The following FAM135B variants were observed in gnomAD, a reference collection of about 807,000 sequenced individuals.
FAM135B encodes protein FAM135B.
FAM135B carries 43 observed loss-of-function variants against 127.7 expected under a neutral mutation model. That is an observed-to-expected ratio of 0.34 (90% CI 0.26 to 0.43). The LOEUF (loss-of-function observed/expected upper bound fraction) is 0.43, where lower values mean the gene tolerates loss of function less well. FAM135B is among the 20% of genes least tolerant of loss of function. The pLI, the probability that FAM135B is intolerant of heterozygous loss-of-function variation, is 1.00. For missense variants in FAM135B, 1,558 were observed against 1,725.6 expected, an observed-to-expected ratio of 0.90 and a Z score of 1.72; for synonymous variants, 670 against 665.1, an observed-to-expected ratio of 1.01 and a Z score of -0.11.
chr8:138,446,277 C>CT (rs1449226427), intron 1 of FAM135B, among the ~76,000 whole-genome samples: 1 of 152,162 alleles, frequency 6.6e-6, no homozygotes, highest in African/African-American at 2.4e-5. Context: ...CTACCAATGA[C>CT]TTTCTTCACA....
chr8:138,354,008 C>T (rs1829935251), intron 2 of FAM135B, among the ~76,000 whole-genome samples: 1 of 151,996 alleles, frequency 6.6e-6, no homozygotes, highest in Non-Finnish European at 1.5e-5. Context: ...TGCAACTTTT[C>T]CCTTCCCCTC....
At position 138,177,340 on chromosome 8, in the gene FAM135B, T is replaced by G. The variant is rs1814571431; in HGVS notation, c.1103+7A>C. ...AGGGATGAAGTGGGCATGCAATGGA[T>G]ACTTACAGATTCTCCTGAAATGTCA... On this transcript the variant is annotated splice_region_variant and intron_variant, in intron 11 of 19. Transcript: ENST00000395297. The G allele has an allele frequency of 6.2e-7, 1 of 1,613,028 alleles. No homozygotes were observed.
chr8:138,166,670 T>C (rs1338027987), intron 12 of FAM135B, among the ~76,000 whole-genome samples: 2 of 152,152 alleles, frequency 1.3e-5, no homozygotes, highest in Non-Finnish European at 2.9e-5. Context: ...CTTAAAACAC[T>C]TCTAATATTA....
At chr8:138,133,634 C>T (rs1452727141) in intron 19 of FAM135B, among the ~76,000 whole-genome samples, 2 of 152,144 alleles carry the variant, frequency 1.3e-5, no homozygotes, top group Non-Finnish European at 2.9e-5. Context: ...TCCAAACAAC[C>T]GGGTCTGTTT....
In FAM135B at chr8:138,227,725, T is replaced by C. The variant is rs1586826650; in HGVS notation, c.669+15217A>G. ...TTAATTTTGTCTCTCTTTTTTTTTT[T>C]TTTTTTTTTTTTTGGTGGTGGTGGT... On this transcript the variant is annotated intron_variant, in intron 7 of 19. Coordinates refer to ENST00000395297, the MANE Select transcript of FAM135B (RefSeq NM_015912.4). Among the ~76,000 whole-genome samples, 3 of 146,282 alleles carry C rather than the reference T, an allele frequency of 2.1e-5. No individual in the cohort carries two copies. The East Asian group carries it at 5.8e-4, about 28-fold the overall frequency.
At chr8:138,175,607 G>C (rs145525199) in intron 11 of FAM135B, among the ~76,000 whole-genome samples, 25 of 152,262 alleles carry the variant, frequency 1.6e-4, no homozygotes, top group Non-Finnish European at 3.4e-4. Flanking sequence ...CTTGAAACTG[G>C]CCATTGTGAA....
At chr8:138,370,237 C>T (rs915822621) in intron 1 of FAM135B, among the ~76,000 whole-genome samples, 1 of 151,992 alleles carries the variant, frequency 6.6e-6, no homozygotes, top group Non-Finnish European at 1.5e-5. Flanking sequence ...ATGGAGAATA[C>T]CACACAGAAC....
intron 1 of FAM135B, among the ~76,000 whole-genome samples, chr8:138,401,175 G>T (rs953496848): frequency 6.6e-6 from 1 of 152,134 alleles, no homozygotes; most frequent in African/African-American, 2.4e-5. Flanking sequence ...TAGATTGCAG[G>T]ACTTCTCAGA....
chr8:138,132,427 C>T lies in FAM135B; in HGVS notation c.*166G>A, dbSNP rs565529414. 36 of 622,080 alleles carry T rather than the reference C, an allele frequency of 5.8e-5. No homozygotes were observed. Among genetic ancestry groups the T allele is most frequent in the African/African-American group, 4.4e-4 (24 of 54,754 alleles). 38.5% of individuals were successfully genotyped at this position (622,080 alleles called of 1,614,324 possible). A position where few individuals can be genotyped will look rare whatever the true frequency, so the allele number is the denominator to read the frequency against. On this transcript the variant is annotated 3_prime_UTR_variant, in exon 20 of 20. Transcript: ENST00000395297. This position sits in a 1 kb window ranked among gnomAD's most constrained non-coding sequence, Gnocchi z 4.5. ...ATTTAGTCTATTTGCTCAGCTTTCTCGAATCTCCAAAACAAAAGCACCTCT... is the reference window on the plus strand; with the variant it reads ...ATTTAGTCTATTTGCTCAGCTTTCTTGAATCTCCAAAACAAAAGCACCTCT...
intron 9 of FAM135B, among the ~76,000 whole-genome samples, chr8:138,194,866 A>G (rs1331672622): frequency 6.6e-6 from 1 of 152,228 alleles, no homozygotes; most frequent in Admixed American, 6.5e-5. Flanking sequence ...TTTCATGATC[A>G]TCACTGACTC....
chr8:138,159,301 A>C (rs1819116928), intron 12 of FAM135B, among the ~76,000 whole-genome samples: 1 of 140,844 alleles, frequency 7.1e-6, no homozygotes, highest in African/African-American at 2.6e-5. Context: ...AGACACATGC[A>C]CACATATGTT....
At chr8:138,417,086 C>G (rs1398050230) in intron 1 of FAM135B, among the ~76,000 whole-genome samples, 2 of 152,180 alleles carry the variant, frequency 1.3e-5, no homozygotes, top group African/African-American at 2.4e-5. Context: ...TTGGGAACAA[C>G]TATAGTGGAG....
intron 9 of FAM135B, among the ~76,000 whole-genome samples, chr8:138,194,460 A>T (rs887456767): frequency 1.6e-4 from 24 of 152,244 alleles, no homozygotes; most frequent in Admixed American, 8.5e-4. Flanking sequence ...ACAGTATCTG[A>T]ACTCCAATCC....
At chr8:138,142,847 C>T (rs1050435800) in intron 16 of FAM135B, 165 bp downstream of exon 16, 3 of 558,574 alleles carry the variant, frequency 5.4e-6, no homozygotes, top group Non-Finnish European at 9.7e-6. Flanking sequence ...AATGTGTACG[C>T]CAGACCTGGT....
chr8:138,475,769 A>G (rs2131668831), intron 1 of FAM135B, among the ~76,000 whole-genome samples: 1 of 152,316 alleles, frequency 6.6e-6, no homozygotes, highest in African/African-American at 2.4e-5. Context: ...ACATGTTTTT[A>G]TTGCTGGTGG....
At chr8:138,336,723 T>A (rs1439071207) in intron 2 of FAM135B, among the ~76,000 whole-genome samples, 1 of 152,128 alleles carries the variant, frequency 6.6e-6, no homozygotes, top group South Asian at 2.1e-4. Context: ...TTACAATTAA[T>A]AGAAAAAGAG....
intron 1 of FAM135B, among the ~76,000 whole-genome samples, chr8:138,461,927 T>A (rs935115792): frequency 3.3e-5 from 5 of 152,110 alleles, no homozygotes; most frequent in African/African-American, 1.2e-4. Flanking sequence ...GCATGATTCA[T>A]GTGGCTGTCA....
intron 7 of FAM135B, among the ~76,000 whole-genome samples, chr8:138,230,183 C>T (rs2130193867): frequency 6.6e-6 from 1 of 152,288 alleles, no homozygotes; most frequent in East Asian, 1.9e-4. Context: ...CAGCCAATCT[C>T]TGCCACCACG....
chr8:138,359,249 G>A (rs1830267208), intron 2 of FAM135B, among the ~76,000 whole-genome samples: 1 of 152,066 alleles, frequency 6.6e-6, no homozygotes, highest in African/African-American at 2.4e-5. Flanking sequence ...AGATGAACAA[G>A]GCTACCTACC....
Sources: gnomAD v4.1 joint callset for allele counts (sites outside exome capture counted in the v4.1 genomes callset) on GRCh38, gnomAD v4.1.1 for gene constraint, Gnocchi (gnomAD v3.1) non-coding constraint, MANE v1.5 for transcripts, NCBI Gene and HGNC (gene_info 2026-07-23, HGNC 2026-07-21) for gene names.